The following DMD variants were observed in gnomAD, a reference collection of about 807,000 sequenced individuals.
DMD encodes the protein mutant dystrophin.
A neutral mutation model predicts 330.1 loss-of-function variants in DMD; 63 were observed. That is an observed-to-expected ratio of 0.19 (90% confidence interval 0.16 to 0.24). The LOEUF (loss-of-function observed/expected upper bound fraction) is 0.24. Among genes scored for constraint, DMD ranks in the 10% least tolerant of loss-of-function variants. The probability of loss-of-function intolerance (pLI) is 1.00; values close to 1 mark genes in which losing one functional copy is unlikely to be tolerated. For missense variants in DMD, 3,344 were observed against 2,684.1 expected (o/e 1.25, Z -5.43); for synonymous variants, 1,223 against 959.8 (o/e 1.27, Z -5.07).
chrX:32,800,624 G>A (rs2076488557), intron 7 of DMD, among the ~76,000 whole-genome samples: 1 of 110,977 alleles, frequency 9.0e-6, no homozygotes, highest in African/African-American at 3.3e-5. Flanking sequence ...TTGTTACATA[G>A]GTATACACAT....
At chrX:32,753,255 T>C (rs1025658254) in intron 7 of DMD, among the ~76,000 whole-genome samples, 1 of 111,912 alleles carries the variant, frequency 8.9e-6, no homozygotes, top group African/African-American at 3.2e-5. Flanking sequence ...AAAAATAAAA[T>C]TAAACTATTA....
At chrX:31,478,565 C>T (rs918914406) in intron 58 of DMD, among the ~76,000 whole-genome samples, 191 bp from the exon 59 acceptor site, 1 of 111,631 alleles carries the variant, frequency 9.0e-6, no homozygotes, top group Admixed American at 9.5e-5. Flanking sequence ...TGAGTTTCTA[C>T]CTTATATCAA....
At chrX:32,822,253 T>G (rs748424535) in intron 5 of DMD, among the ~76,000 whole-genome samples, 1 of 111,016 alleles carries the variant, frequency 9.0e-6, no homozygotes, top group Admixed American at 9.7e-5. Context: ...CATACACATT[T>G]ATTTTTATTT....
intron 1 of DMD, among the ~76,000 whole-genome samples, chrX:33,229,938 G>C (rs1019898605): frequency 8.9e-6 from 1 of 112,059 alleles, no homozygotes; most frequent in African/African-American, 3.2e-5. Flanking sequence ...TTATCATGCT[G>C]TGTTTTTCAA....
intron 59 of DMD, among the ~76,000 whole-genome samples, chrX:31,474,335 C>T (rs2067560743): frequency 9.0e-6 from 1 of 110,726 alleles, no homozygotes; most frequent in African/African-American, 3.3e-5. Context: ...TTATTTAACA[C>T]ATAAGATCAG....
intron 1 of DMD, among the ~76,000 whole-genome samples, chrX:33,229,804 T>G (rs1355627354): frequency 6.2e-5 from 7 of 112,322 alleles, no homozygotes; most frequent in African/African-American, 2.3e-4. Context: ...AAAAAGACCT[T>G]GCTGGTATTT....
At chrX:32,437,494 C>A (rs188720708) in intron 29 of DMD, among the ~76,000 whole-genome samples, 1 of 111,764 alleles carries the variant, frequency 8.9e-6, no homozygotes, top group East Asian at 2.8e-4. Flanking sequence ...TCTCTTCATA[C>A]GTTATATTAT....
At chrX:32,584,189 G>A (rs1260777992) in intron 13 of DMD, among the ~76,000 whole-genome samples, 1 of 111,167 alleles carries the variant, frequency 9.0e-6, no homozygotes, top group East Asian at 2.8e-4. Context: ...ATAGTATTCC[G>A]CCTCACTGGT....
chrX:33,004,616 C>T (rs1312627498), intron 2 of DMD, among the ~76,000 whole-genome samples: 6 of 110,996 alleles, frequency 5.4e-5, no homozygotes, highest in African/African-American at 2.0e-4. Flanking sequence ...GTTATTTTTA[C>T]TTGTGTATTT....
chrX:31,571,872 A>G (rs2075838974), intron 55 of DMD, among the ~76,000 whole-genome samples: 2 of 112,054 alleles, frequency 1.8e-5, no homozygotes, highest in Non-Finnish European at 3.8e-5. Flanking sequence ...ATGAAATTAT[A>G]TCAGGTTAAG....
At chrX:31,687,787 T>C (rs1426623861) in intron 52 of DMD, among the ~76,000 whole-genome samples, 1 of 112,145 alleles carries the variant, frequency 8.9e-6, no homozygotes, top group Non-Finnish European at 1.9e-5. Context: ...GTTATTTGTT[T>C]CCTTTCTCTT....
chrX:33,001,505 C>G (rs1463608393), intron 2 of DMD, among the ~76,000 whole-genome samples: 1 of 111,460 alleles, frequency 9.0e-6, no homozygotes, highest in Non-Finnish European at 1.9e-5. Context: ...GAACCATCCT[C>G]CATTTCCCAT....
At chrX:32,816,398 G>C (rs2077763900) in intron 6 of DMD, 70 bp downstream of exon 6, 7 of 1,131,298 alleles carry the variant, frequency 6.2e-6, no homozygotes, top group Non-Finnish European at 8.5e-6. Flanking sequence ...ACCATACTGG[G>C]GAAAAATATG....
intron 2 of DMD, among the ~76,000 whole-genome samples, chrX:32,867,546 C>T (rs1210807972): frequency 9.0e-6 from 1 of 111,462 alleles, no homozygotes; most frequent in Non-Finnish European, 1.9e-5. Context: ...AAGTTTTTAC[C>T]AAGAGCTTTA....
intron 1 of DMD, among the ~76,000 whole-genome samples, chrX:33,189,807 C>G (rs1002342088): frequency 9.0e-6 from 1 of 111,653 alleles, no homozygotes; most frequent in Non-Finnish European, 1.9e-5. Flanking sequence ...TAAGTTAAGG[C>G]TAATTTTAAA....
At position 33,136,278 on chromosome X, in the gene DMD, C is replaced by CAAAAAAAAA. The variant is rs57297863; in HGVS notation, c.31+74995_31+75003dup. Among the ~76,000 whole-genome samples the CAAAAAAAAA allele has an allele frequency of 2.0e-4, 4 of 19,712 alleles. 1 individual carries two copies. The highest frequency in any genetic ancestry group is 8.5e-4 in the African/African-American group (3 of 3,542). 17.1% of individuals were successfully genotyped at this position (19,712 alleles called of 115,157 possible). On this transcript the variant is annotated intron_variant, in intron 1 of 78. Transcript: ENST00000357033. ...TGGGTGGCAGAGTGAGACCCCGTCT[C>CAAAAAAAAA]AAAAAAAAAAAAAAAAAAAAAAAAA...
chrX:33,257,073 T>C (rs968072503), intron 1 of DMD, among the ~76,000 whole-genome samples: 1 of 110,436 alleles, frequency 9.1e-6, no homozygotes, highest in Non-Finnish European at 1.9e-5. Flanking sequence ...GCTCTTTTGG[T>C]GTGATCAAGG....
At chrX:32,139,166 G>A (rs1264305366) in intron 44 of DMD, among the ~76,000 whole-genome samples, 1 of 112,365 alleles carries the variant, frequency 8.9e-6, no homozygotes, top group Non-Finnish European at 1.9e-5. Context: ...GCTGGATATA[G>A]AAGACTCATA....
At chrX:32,411,397 G>A (rs1263153685) in intron 30 of DMD, among the ~76,000 whole-genome samples, 1 of 111,208 alleles carries the variant, frequency 9.0e-6, no homozygotes, top group East Asian at 2.8e-4. Flanking sequence ...CCAAAGGGCT[G>A]GGATTACAGG....
Sources: allele counts gnomAD v4.1 joint callset (sites outside exome capture counted in the v4.1 genomes callset), GRCh38; gene constraint gnomAD v4.1.1; transcripts MANE v1.5; gene names NCBI Gene and HGNC (gene_info 2026-07-23, HGNC 2026-07-21).